Variants in FOXJ3 observed in about 807,000 individuals in gnomAD.
FOXJ3 encodes forkhead box protein J3.
In FOXJ3, 22 loss-of-function variants were observed where a neutral mutation model predicts 76.1. The observed-to-expected ratio is 0.29, with a 90% CI of 0.21 to 0.41. The LOEUF (loss-of-function observed/expected upper bound fraction) is 0.41, where lower values mean the gene tolerates loss of function less well. Among genes scored for constraint, FOXJ3 ranks in the 10% least tolerant of loss-of-function variants. FOXJ3 has a pLI of 1.00. For synonymous variants in FOXJ3, 269 were observed against 261.2 expected, an observed-to-expected ratio of 1.03 and a Z score of -0.29; for missense variants, 613 against 762.1, an observed-to-expected ratio of 0.80 and a Z score of 2.30.
At chr1:42,225,944 G>C (rs977884577) in intron 5 of FOXJ3, among the ~76,000 whole-genome samples, 1 of 152,038 alleles carries the variant, frequency 6.6e-6, no homozygotes, top group East Asian at 1.9e-4. Context: ...CAAAAGACAC[G>C]GACAGTTGTT....
chr1:42,221,365 G>C (rs1373479962), intron 5 of FOXJ3, among the ~76,000 whole-genome samples: 1 of 152,138 alleles, frequency 6.6e-6, no homozygotes, highest in African/African-American at 2.4e-5. Flanking sequence ...GTTAAAAAGG[G>C]GGTTGGGGGG....
rs1177336190 is a variant in FOXJ3, at chr1:42,179,532, G to C, written c.*178C>G. 1 of 466,412 alleles carries C rather than the reference G, an allele frequency of 2.1e-6. No homozygotes were observed. The highest frequency in any genetic ancestry group is 3.6e-5 in the East Asian group (1 of 27,548). 28.9% of individuals were successfully genotyped at this position (466,412 alleles called of 1,614,324 possible). On this transcript the variant is annotated 3_prime_UTR_variant, in exon 13 of 13. Coordinates refer to ENST00000361346, the MANE Select transcript of FOXJ3 (RefSeq NM_014947.5). ...GAGACAAACATGTAGTACTTGCTTG[G>C]GTCAGATAAAAGCAGTAAGTTATCC...
At chr1:42,277,180 A>G (rs1652327937) in intron 3 of FOXJ3, among the ~76,000 whole-genome samples, 1 of 152,122 alleles carries the variant, frequency 6.6e-6, no homozygotes, top group Non-Finnish European at 1.5e-5. Flanking sequence ...ACAGTGTCTC[A>G]CACCTGTAAC....
At chr1:42,306,134 A>G (rs550395207) in intron 2 of FOXJ3, among the ~76,000 whole-genome samples, 13 of 152,316 alleles carry the variant, frequency 8.5e-5, no homozygotes, top group African/African-American at 3.1e-4. Flanking sequence ...TTGCTTTTTC[A>G]GTAAGCTGTT....
At chr1:42,334,985 C>A (rs1211466777) in intron 1 of FOXJ3, 74 bp downstream of exon 1, 3 of 152,314 alleles carry the variant, frequency 2.0e-5, no homozygotes, top group Non-Finnish European at 4.4e-5. Context: ...CCCCTGCCTC[C>A]GTCCCGGGAG....
intron 4 of FOXJ3, among the ~76,000 whole-genome samples, chr1:42,259,798 C>T (rs1650895358): frequency 6.6e-6 from 1 of 152,162 alleles, no homozygotes; most frequent in African/African-American, 2.4e-5. Flanking sequence ...CCTGATTCTA[C>T]CCAGCTTTGC....
chr1:42,267,107 G>A (rs1651524041), intron 3 of FOXJ3, among the ~76,000 whole-genome samples: 1 of 152,084 alleles, frequency 6.6e-6, no homozygotes, highest in Admixed American at 6.5e-5. Flanking sequence ...CACAAGACTA[G>A]TCTGGCTGAG....
intron 1 of FOXJ3, among the ~76,000 whole-genome samples, chr1:42,322,333 T>C (rs933359961): frequency 2.0e-5 from 3 of 152,128 alleles, no homozygotes; most frequent in Non-Finnish European, 4.4e-5. Context: ...CCTAAAAATA[T>C]TGTCTATTTT....
chr1:42,324,331 CAT>C (rs1409030938), intron 1 of FOXJ3, among the ~76,000 whole-genome samples: 2 of 128,984 alleles, frequency 1.6e-5, no homozygotes, highest in Non-Finnish European at 3.1e-5. Flanking sequence ...AGATATATAA[CAT>C]ATACACTATA....
In FOXJ3 at chr1:42,185,414, C is replaced by T. The variant is rs187498773; in HGVS notation, c.1645+3323G>A. Among the ~76,000 whole-genome samples, 8 of 151,820 alleles carry T rather than the reference C, an allele frequency of 5.3e-5. No homozygotes were observed. In the East Asian group the frequency reaches 7.7e-4, roughly 15 times the overall value. On this transcript the variant is annotated intron_variant, in intron 11 of 12. Transcript: ENST00000361346. ...CCGGGACTACAGGCGCCTGCCACCA[C>T]GCCTGGCTAATTTTTTTGTATTTTT... is the stretch of plus-strand genomic sequence containing the variant.
At chr1:42,226,602 C>T (rs1647593212) in intron 5 of FOXJ3, among the ~76,000 whole-genome samples, 1 of 150,342 alleles carries the variant, frequency 6.7e-6, no homozygotes, top group Non-Finnish European at 1.5e-5. Flanking sequence ...AGCGAGACTC[C>T]ATCTCAAAAA....
In FOXJ3 at chr1:42,187,201, C is replaced by T. The variant is rs72963045; in HGVS notation, c.1645+1536G>A. Among the ~76,000 whole-genome samples, 435 of 152,344 alleles carry T rather than the reference C, an allele frequency of 2.9e-3. 2 individuals are homozygous for T. The highest frequency in any genetic ancestry group is 0.01 in the African/African-American group (419 of 41,576). On this transcript the variant is annotated intron_variant, in intron 11 of 12. Transcript: ENST00000361346. ...CATCATCTTCTACTTCTCCTGCCTACGGCAACAATCTATGAGCAACACAGG... is the reference window on the plus strand; with the variant it reads ...CATCATCTTCTACTTCTCCTGCCTATGGCAACAATCTATGAGCAACACAGG...
chr1:42,188,864 G>T lies in FOXJ3; in HGVS notation c.1518C>A (p.Ala506=). The T allele has an allele frequency of 6.2e-7, 1 of 1,612,980 alleles. No individual in the cohort carries two copies. Among genetic ancestry groups the T allele is most frequent in the African/African-American group, 1.3e-5 (1 of 75,006 alleles). Residue 506 remains alanine, a synonymous_variant, in exon 11 of 13, where the codon GCC becomes GCA. Coordinates refer to ENST00000361346, the MANE Select transcript of FOXJ3 (RefSeq NM_014947.5). ...ACTGATTAAGAGAAGAACAAAGATC[G>T]GCAAACTGAACCTGGTCTAAAGACC... ...KNWSLDQVQF[A]DLCSSLNQFF... is the part of the protein sequence containing the mutation.
At chr1:42,312,771 T>C (rs904425633) in intron 1 of FOXJ3, among the ~76,000 whole-genome samples, 15 of 152,224 alleles carry the variant, frequency 9.9e-5, no homozygotes, top group Non-Finnish European at 2.1e-4. Context: ...TGGGACACAA[T>C]GTACAAGATG....
At chr1:42,297,047 TGC>T (rs1355049734) in intron 2 of FOXJ3, among the ~76,000 whole-genome samples, 1 of 152,092 alleles carries the variant, frequency 6.6e-6, no homozygotes, top group Non-Finnish European at 1.5e-5. Context: ...CCTAGGGGTG[TGC>T]GGGTGTGGGT....
intron 9 of FOXJ3, among the ~76,000 whole-genome samples, chr1:42,190,099 C>A (rs116785428): frequency 6.6e-6 from 1 of 152,306 alleles, no homozygotes; most frequent in African/African-American, 2.4e-5. Flanking sequence ...GGTATGACAT[C>A]AGAAGAGTTT....
rs78549505 is a variant in FOXJ3 at position 42,221,124 on chromosome 1, G to T, written c.528+6759C>A. ...GCTTGCCATTATAGAAGACACATCT[G>T]CCTCAGCATTCAATCTATGGCAAAA... On this transcript the variant is annotated intron_variant, in intron 5 of 12. Coordinates refer to ENST00000361346, the MANE Select transcript of FOXJ3 (RefSeq NM_014947.5). Among the ~76,000 whole-genome samples, 1,024 of 152,290 alleles carry T rather than the reference G, an allele frequency of 6.7e-3. 14 individuals carry two copies. Among genetic ancestry groups the T allele is most frequent in the African/African-American group, 0.024 (989 of 41,562 alleles).
intron 2 of FOXJ3, among the ~76,000 whole-genome samples, chr1:42,279,749 T>A (rs962904607): frequency 6.6e-6 from 1 of 151,176 alleles, no homozygotes; most frequent in African/African-American, 2.4e-5. Flanking sequence ...GACAATAAAG[T>A]AGAGAAGAAT....
At chr1:42,212,756 C>A (rs1249556647) in intron 5 of FOXJ3, among the ~76,000 whole-genome samples, 1 of 151,908 alleles carries the variant, frequency 6.6e-6, no homozygotes, top group Admixed American at 6.6e-5. Flanking sequence ...TCACCAAAGG[C>A]ATGGAGTCAT....
Sources: gnomAD v4.1 joint callset for allele counts (sites outside exome capture counted in the v4.1 genomes callset) on GRCh38, gnomAD v4.1.1 for gene constraint, MANE v1.5 for transcripts, NCBI Gene and HGNC (gene_info 2026-07-23, HGNC 2026-07-21) for gene names.